MAEA: variants seen among roughly 807,000 people sequenced by gnomAD.
The protein encoded by MAEA is macrophage erythroblast attacher, E3 ubiquitin ligase.
A neutral mutation model predicts 46.2 loss-of-function variants in MAEA; 22 were observed. The observed-to-expected ratio is 0.48, with a 90% CI of 0.34 to 0.68. The LOEUF is 0.68. MAEA is among the 30% of genes least tolerant of loss of function. The pLI is 0.01. For synonymous variants in MAEA, 246 were observed against 222.6 expected, an observed-to-expected ratio of 1.11 and a Z score of -0.94; for missense variants, 393 against 558.1, an observed-to-expected ratio of 0.70 and a Z score of 2.98.
rs1733920721 is a variant in MAEA, at chr4:1,289,967, G to A, written c.54G>A (p.Glu18=). 1.9e-6 allele frequency: 3 copies of A among 1,596,424 alleles called. No homozygotes were observed. Among genetic ancestry groups the A allele is most frequent in the South Asian group, 1.1e-5 (1 of 88,474 alleles). The change falls in exon 1 of 9, where the codon GAG becomes GAA. Residue 18 remains glutamate (E), a synonymous_variant. Transcript: ENST00000303400. ...AQLSMTLKVQ[E]YPTLKVPYET... ...TGTCCATGACCCTGAAGGTCCAGGAGTACCCGACCCTCAAGGTGGGCGCCT... is the reference window on the plus strand; with the variant it reads ...TGTCCATGACCCTGAAGGTCCAGGAATACCCGACCCTCAAGGTGGGCGCCT...
Position 1,315,445 on chromosome 4 carries a change from C to G in MAEA, c.301C>G (p.Arg101Gly). Residue 101 changes from arginine to glycine, a missense_variant, in exon 3 of 9, where the codon CGC becomes GGC. By Grantham distance (125) the Arg-to-Gly change is moderately radical (BLOSUM62 -2). Coordinates refer to ENST00000303400, the MANE Select transcript of MAEA (RefSeq NM_001017405.3). Reference sequence around the variant, plus strand: ...GGACGAGAGCGCCAAGCTGTGCAAGCGCCGGATCGAGCACCTCAAAGAGCA... The same window carrying G: ...GGACGAGAGCGCCAAGCTGTGCAAGGGCCGGATCGAGCACCTCAAAGAGCA... ...AEDESAKLCK[R>G]RIEHLKEHSS... is the part of the protein sequence containing the mutation. The G allele has an allele frequency of 6.2e-7, 1 of 1,613,878 alleles. No individual in the cohort carries two copies. Among genetic ancestry groups the G allele is most frequent in the Non-Finnish European group, 8.5e-7 (1 of 1,180,024 alleles).
At chr4:1,320,871 T>C (rs1737997896) in intron 3 of MAEA, among the ~76,000 whole-genome samples, 1 of 151,542 alleles carries the variant, frequency 6.6e-6, no homozygotes, top group African/African-American at 2.4e-5. Context: ...GAGGCCAAGG[T>C]GGGCAGATCA....
intron 2 of MAEA, among the ~76,000 whole-genome samples, chr4:1,315,108 T>G (rs1169508769): frequency 6.6e-6 from 1 of 152,144 alleles, no homozygotes; most frequent in Non-Finnish European, 1.5e-5. Context: ...GCATAGCAAA[T>G]TTGAAATTGT....
chr4:1,327,515 G>C, intron 4 of MAEA, 112 bp from the exon 5 acceptor site: 1 of 778,436 alleles, frequency 1.3e-6, no homozygotes, highest in Non-Finnish European at 2.3e-6. Flanking sequence ...TGTGAGAGAG[G>C]GGTTCAGAGC....
chr4:1,312,873 T>C (rs1736691317), intron 2 of MAEA, among the ~76,000 whole-genome samples: 1 of 152,146 alleles, frequency 6.6e-6, no homozygotes, highest in South Asian at 2.1e-4. Flanking sequence ...AACGTCGCAC[T>C]GAAAATACCC....
chr4:1,322,637 G>C (rs1433569445), intron 4 of MAEA, 134 bp downstream of exon 4: 2 of 1,183,216 alleles, frequency 1.7e-6, no homozygotes, highest in African/African-American at 3.1e-5. Context: ...TTGGGTTTGG[G>C]AGTTTTTTTG....
intron 2 of MAEA, among the ~76,000 whole-genome samples, chr4:1,313,856 A>G (rs1577175080): frequency 6.6e-6 from 1 of 152,324 alleles, no homozygotes; most frequent in East Asian, 1.9e-4. Context: ...CAGCCTGGGC[A>G]ACATGGCAAA....
intron 4 of MAEA, among the ~76,000 whole-genome samples, chr4:1,323,775 C>A (rs757732037): frequency 6.6e-6 from 1 of 152,202 alleles, no homozygotes; most frequent in Non-Finnish European, 1.5e-5. Flanking sequence ...TAATTACCTG[C>A]CGGACAGTGT....
intron 1 of MAEA, among the ~76,000 whole-genome samples, chr4:1,305,748 C>T (rs535491893): frequency 1.6e-4 from 21 of 129,326 alleles, no homozygotes; most frequent in East Asian, 7.9e-4. Flanking sequence ...TGGGAGTGTG[C>T]GTGCGTGCAC....
At chr4:1,301,297 C>T (rs1330704290) in intron 1 of MAEA, among the ~76,000 whole-genome samples, 2 of 152,314 alleles carry the variant, frequency 1.3e-5, no homozygotes, top group Admixed American at 6.5e-5. Flanking sequence ...AGACGTTTCA[C>T]GCATGTCTCC....
At position 1,328,754 on chromosome 4, in the gene MAEA, G is replaced by C. The variant is rs544751252; in HGVS notation, c.656+1051G>C. 16 of 1,194,948 alleles carry C rather than the reference G, an allele frequency of 1.3e-5. No individual in the cohort carries two copies. In the South Asian group the frequency reaches 2.1e-4, roughly 16 times the overall value. 74.0% of individuals were successfully genotyped at this position (1,194,948 alleles called of 1,614,324 possible). A position where few individuals can be genotyped will look rare whatever the true frequency, so the allele number is the denominator to read the frequency against. On this transcript the variant is annotated intron_variant, in intron 5 of 8. Coordinates refer to ENST00000303400, the MANE Select transcript of MAEA (RefSeq NM_001017405.3). ...AACCGCGGCAAGTCCCTGCCCTTGC[G>C]TGGACCCTGGAGAGGCCCGGGGTCC...
intron 3 of MAEA, among the ~76,000 whole-genome samples, chr4:1,319,957 G>GA (rs1737817564): frequency 6.9e-6 from 1 of 144,286 alleles, no homozygotes; most frequent in South Asian, 2.2e-4. Flanking sequence ...AAACATTCAA[G>GA]AAAACGCTAT....
At chr4:1,309,426 C>T (rs1403848215) in intron 1 of MAEA, 9 of 1,270,768 alleles carry the variant, frequency 7.1e-6, no homozygotes, top group East Asian at 6.0e-5. Flanking sequence ...GAAGAGGAGG[C>T]GGTGCTTTCC....
chr4:1,299,276 C>T (rs933905642), intron 1 of MAEA, among the ~76,000 whole-genome samples: 1 of 152,218 alleles, frequency 6.6e-6, no homozygotes, highest in Admixed American at 6.5e-5. Context: ...GCCCCTCCAT[C>T]TCCCTTGGTC....
chr4:1,330,208 C>G, intron 5 of MAEA: 1 of 906,324 alleles, frequency 1.1e-6, no homozygotes, highest in Non-Finnish European at 1.3e-6. Flanking sequence ...TGGGACCTGG[C>G]CTGTACTTCA....
intron 3 of MAEA, 68 bp downstream of exon 3, chr4:1,315,668 G>T: frequency 6.6e-7 from 1 of 1,524,000 alleles, no homozygotes. Context: ...CCGCCCTGTG[G>T]CATGTCCCCC....
intron 4 of MAEA, among the ~76,000 whole-genome samples, chr4:1,324,130 G>GATTGGATGCC (rs1738501669): frequency 6.6e-6 from 1 of 151,820 alleles, no homozygotes; most frequent in Non-Finnish European, 1.5e-5. Context: ...ATGAAGTTGA[G>GATTGGATGCC]ATTGGATGCC....
At chr4:1,326,771 C>A (rs950394168) in intron 4 of MAEA, among the ~76,000 whole-genome samples, 2 of 152,224 alleles carry the variant, frequency 1.3e-5, no homozygotes, top group African/African-American at 2.4e-5. Context: ...GTCCCCTGGG[C>A]CAGGCCTCCA....
At chr4:1,293,606 C>G (rs1158411014) in intron 1 of MAEA, among the ~76,000 whole-genome samples, 1 of 152,224 alleles carries the variant, frequency 6.6e-6, no homozygotes, top group Non-Finnish European at 1.5e-5. Context: ...CCTGGCTCCT[C>G]TCTGTGAACC....
Sources: gnomAD v4.1 joint callset for allele counts (sites outside exome capture counted in the v4.1 genomes callset) on GRCh38, gnomAD v4.1.1 for gene constraint, MANE v1.5 for transcripts, NCBI Gene and HGNC (gene_info 2026-07-23, HGNC 2026-07-21) for gene names.